The following ADCY8 variants were observed in gnomAD, a reference collection of about 807,000 sequenced individuals.
ADCY8 encodes the protein adenylate cyclase type 8.
ADCY8 carries 51 observed loss-of-function variants against 119.7 expected under a neutral mutation model. The observed-to-expected ratio is 0.43, with a 90% CI of 0.34 to 0.54. The LOEUF is 0.54. ADCY8 is among the 20% of genes least tolerant of loss of function. The pLI is 0.03. For synonymous variants in ADCY8, 665 were observed against 651.0 expected, an observed-to-expected ratio of 1.02 and a Z score of -0.33; for missense variants, 1,383 against 1,598.8, an observed-to-expected ratio of 0.87 and a Z score of 2.30.
chr8:131,009,072 T>A (rs1823215878), intron 1 of ADCY8, among the ~76,000 whole-genome samples: 1 of 152,052 alleles, frequency 6.6e-6, no homozygotes, highest in Admixed American at 6.5e-5. Flanking sequence ...GAAAGAAAAA[T>A]CCATTTTCTG....
chr8:130,848,118 A>T (rs1817389625), intron 10 of ADCY8, among the ~76,000 whole-genome samples: 1 of 152,316 alleles, frequency 6.6e-6, no homozygotes. Context: ...CAATTGAAAA[A>T]TACGAAACTC....
chr8:130,989,933 T>G (rs975115951), intron 2 of ADCY8, among the ~76,000 whole-genome samples: 2 of 152,222 alleles, frequency 1.3e-5, no homozygotes, highest in African/African-American at 4.8e-5. Flanking sequence ...CTTTTTTGTG[T>G]ACATCTCTTC....
chr8:130,851,587 T>C (rs1359244722), intron 9 of ADCY8, among the ~76,000 whole-genome samples: 1 of 152,002 alleles, frequency 6.6e-6, no homozygotes, highest in Non-Finnish European at 1.5e-5. Flanking sequence ...AGGTGGAGGA[T>C]GAAGTGAAGA....
At chr8:130,813,194 G>A (rs1237844819) in intron 14 of ADCY8, among the ~76,000 whole-genome samples, 3 of 152,214 alleles carry the variant, frequency 2.0e-5, no homozygotes, top group East Asian at 3.9e-4. Flanking sequence ...TGGTCCACCC[G>A]CCTGAGCCTC....
In ADCY8 at chr8:130,790,704, G is replaced by A. The variant is rs534683800; in HGVS notation, c.3061-5229C>T. On this transcript the variant is annotated intron_variant, in intron 15 of 17. Coordinates refer to ENST00000286355, the MANE Select transcript of ADCY8 (RefSeq NM_001115.3). ...TACCCCCATCTATGCTGGCTGGTAGGGATTCACTCCCTGGGGACCTCAGCT... is the reference window on the plus strand; with the variant it reads ...TACCCCCATCTATGCTGGCTGGTAGAGATTCACTCCCTGGGGACCTCAGCT... Among the ~76,000 whole-genome samples, 6 of 152,230 alleles carry A rather than the reference G, an allele frequency of 3.9e-5. No homozygotes were observed. The East Asian group carries it at 1.2e-3, about 29-fold the overall frequency.
chr8:130,929,030 C>A (rs1300573341), intron 5 of ADCY8, among the ~76,000 whole-genome samples: 1 of 151,996 alleles, frequency 6.6e-6, no homozygotes, highest in East Asian at 1.9e-4. Context: ...TTGCATGCAT[C>A]AAATGAATTT....
At chr8:130,891,274 A>G (rs1819177714) in intron 7 of ADCY8, among the ~76,000 whole-genome samples, 1 of 152,122 alleles carries the variant, frequency 6.6e-6, no homozygotes, top group Admixed American at 6.6e-5. Context: ...CCTATGTCCT[A>G]CAAGACACAG....
intron 12 of ADCY8, among the ~76,000 whole-genome samples, chr8:130,835,568 A>C (rs1816960841): frequency 6.6e-6 from 1 of 152,086 alleles, no homozygotes. Context: ...TTTTTCTCTA[A>C]GGAGTCTGGG....
chr8:131,000,875 T>C (rs1822924057), intron 1 of ADCY8, among the ~76,000 whole-genome samples: 1 of 152,028 alleles, frequency 6.6e-6, no homozygotes, highest in Non-Finnish European at 1.5e-5. Flanking sequence ...CTGCAGGCCT[T>C]TCCAGCACAG....
chr8:130,853,564 T>G (rs1817608876), intron 9 of ADCY8, among the ~76,000 whole-genome samples: 2 of 132,636 alleles, frequency 1.5e-5, no homozygotes, highest in Middle Eastern at 3.8e-3. Flanking sequence ...GTTTGGAAAT[T>G]TGTAAAATTG....
At chr8:130,902,368 G>A (rs1819630770) in intron 7 of ADCY8, among the ~76,000 whole-genome samples, 2 of 152,118 alleles carry the variant, frequency 1.3e-5, no homozygotes, top group South Asian at 4.1e-4. Context: ...CTCAGAGATG[G>A]AAAGAACCTA....
chr8:131,004,090 A>G (rs13258076), intron 1 of ADCY8, among the ~76,000 whole-genome samples: 92,384 of 152,034 alleles, frequency 0.61, 30,018 homozygotes, highest in African/African-American at 0.84. Context: ...TTATCGGGAA[A>G]GGGTGGGGGA....
intron 4 of ADCY8, among the ~76,000 whole-genome samples, chr8:130,938,023 T>C (rs969183418): frequency 2.0e-5 from 3 of 152,192 alleles, no homozygotes; most frequent in African/African-American, 7.2e-5. Flanking sequence ...TGCATGCTTT[T>C]ATATTGGATA....
chr8:130,896,152 A>G (rs1586545225), intron 7 of ADCY8, among the ~76,000 whole-genome samples: 2 of 151,758 alleles, frequency 1.3e-5, no homozygotes, highest in Admixed American at 1.3e-4. Context: ...CTCATCTACT[A>G]CTCTACTACT....
intron 2 of ADCY8, among the ~76,000 whole-genome samples, chr8:130,962,615 G>C (rs962991835): frequency 6.6e-6 from 1 of 152,232 alleles, no homozygotes; most frequent in Non-Finnish European, 1.5e-5. Flanking sequence ...GGGAAGTCAA[G>C]GTGAAAACAG....
At chr8:131,008,875 G>A (rs1324580198) in intron 1 of ADCY8, among the ~76,000 whole-genome samples, 3 of 152,148 alleles carry the variant, frequency 2.0e-5, no homozygotes, top group Non-Finnish European at 2.9e-5. Flanking sequence ...CTGGAGCAAT[G>A]GTGACCCTTG....
At chr8:130,867,639 G>T (rs890623587) in intron 9 of ADCY8, among the ~76,000 whole-genome samples, 3 of 152,156 alleles carry the variant, frequency 2.0e-5, no homozygotes, top group African/African-American at 4.8e-5. Context: ...TATTAAGATT[G>T]GGAAAAAGAT....
chr8:130,855,130 T>C (rs966783209), intron 9 of ADCY8, among the ~76,000 whole-genome samples: 22 of 149,548 alleles, frequency 1.5e-4, no homozygotes, highest in African/African-American at 4.9e-4. Context: ...TTTTTTTTTT[T>C]CCAGAGTCCA....
intron 15 of ADCY8, among the ~76,000 whole-genome samples, chr8:130,787,932 G>A (rs537090551): frequency 2.0e-5 from 3 of 152,246 alleles, no homozygotes; most frequent in South Asian, 4.2e-4. Flanking sequence ...TTTGTGTTCG[G>A]GGCAGTCAGG....
Sources: allele counts gnomAD v4.1 joint callset (sites outside exome capture counted in the v4.1 genomes callset), GRCh38; gene constraint gnomAD v4.1.1; transcripts MANE v1.5; gene names NCBI Gene and HGNC (gene_info 2026-07-23, HGNC 2026-07-21).